ADAMTS2: variants seen among roughly 807,000 people sequenced by gnomAD.
ADAMTS2 encodes ADAM metallopeptidase with thrombospondin type 1 motif 2, also known as A disintegrin and metalloproteinase with thrombospondin motifs 2.
ADAMTS2 carries 50 observed loss-of-function variants against 123.0 expected under a neutral mutation model. That is an observed-to-expected ratio of 0.41 (90% CI 0.32 to 0.51). The LOEUF (loss-of-function observed/expected upper bound fraction) is 0.51. Among genes scored for constraint, ADAMTS2 ranks in the 20% least tolerant of loss-of-function variants. The pLI is 0.35. For synonymous variants in ADAMTS2, 678 were observed against 695.4 expected (o/e 0.98, Z 0.39); for missense variants, 1,494 against 1,705.2 (o/e 0.88, Z 2.18).
chr5:179,129,673 G>T lies in ADAMTS2; in HGVS notation c.2457+259C>A, dbSNP rs1266130266. On this transcript the variant is annotated intron_variant, in intron 16 of 21. Transcript: ENST00000251582. This position sits in a 1 kb window ranked among gnomAD's most constrained non-coding sequence, Gnocchi z 4.1. ...TGATGGCAGCTGTGAATGTCATTCA[G>T]ATGGTGAAACCGAAACCCTCAAAGG... Among the ~76,000 whole-genome samples the T allele has an allele frequency of 6.6e-6, 1 of 152,196 alleles. No homozygotes were observed. The highest frequency in any genetic ancestry group is 2.4e-5 in the African/African-American group (1 of 41,462).
At chr5:179,168,783 G>A (rs554259848) in intron 5 of ADAMTS2, among the ~76,000 whole-genome samples, 1 of 152,314 alleles carries the variant, frequency 6.6e-6, no homozygotes, top group South Asian at 2.1e-4. Flanking sequence ...CCCCCCAGCT[G>A]AGTGCAAAGT....
intron 3 of ADAMTS2, among the ~76,000 whole-genome samples, chr5:179,217,286 G>T (rs906962787): frequency 6.6e-6 from 1 of 152,158 alleles, no homozygotes; most frequent in African/African-American, 2.4e-5. Flanking sequence ...AATTCAGAGC[G>T]ACTTACATAA....
At chr5:179,173,436 A>G (rs1011525366) in intron 5 of ADAMTS2, among the ~76,000 whole-genome samples, 1 of 152,176 alleles carries the variant, frequency 6.6e-6, no homozygotes, top group African/African-American at 2.4e-5. Context: ...CTTTTCAAAC[A>G]ACAAACAGCT....
At chr5:179,138,707 A>C (rs3822597) in intron 11 of ADAMTS2, among the ~76,000 whole-genome samples, 92,477 of 152,102 alleles carry the variant, frequency 0.61, 28,264 homozygotes, top group Middle Eastern at 0.67. Flanking sequence ...TAGGAGAGGG[A>C]TCCATGCACG....
chr5:179,202,556 C>G lies in ADAMTS2; in HGVS notation c.891+4957G>C, dbSNP rs962040352. On this transcript the variant is annotated intron_variant, in intron 4 of 21. Transcript: ENST00000251582. The surrounding 1 kb of genome is among the most constrained non-coding windows in gnomAD (Gnocchi z 4.0). ...CCCAGAATGCAAGGTAGCAGGGTTA[C>G]GTCCTGTCATGCTCACAGCTGCACC... Among the ~76,000 whole-genome samples the G allele has an allele frequency of 2.6e-5, 4 of 152,168 alleles. No individual in the cohort carries two copies. Among genetic ancestry groups the G allele is most frequent in the African/African-American group, 9.7e-5 (4 of 41,446 alleles).
chr5:179,339,796 C>T lies in ADAMTS2; in HGVS notation c.534+3971G>A, dbSNP rs530874689. Among the ~76,000 whole-genome samples the T allele has an allele frequency of 2.0e-4, 31 of 152,378 alleles. No individual in the cohort carries two copies. The East Asian group carries it at 4.6e-3, about 23-fold the overall frequency. On this transcript the variant is annotated intron_variant, in intron 2 of 21. Coordinates refer to ENST00000251582, the MANE Select transcript of ADAMTS2 (RefSeq NM_014244.5). ...ATCTCAGGTGCCCCTCACCCCACTG[C>T]ACAGTCCCAGGACCCGCTCACACCT...
rs2113374415 is a variant in ADAMTS2 at position 179,207,654 on chromosome 5, G to A, written c.750C>T (p.Ala250=). The A allele has an allele frequency of 6.2e-7, 1 of 1,613,698 alleles. No homozygotes were observed. Among genetic ancestry groups the A allele is most frequent in the Non-Finnish European group, 8.5e-7 (1 of 1,180,016 alleles). ...TGCGTGCCCTCCGCCTCGAGCTGTTGGCGTGCTCCTCTAGGACGCCCAGGG... is the reference window on the plus strand; with the variant it reads ...TGCGTGCCCTCCGCCTCGAGCTGTTAGCGTGCTCCTCTAGGACGCCCAGGG... ...SRALGVLEEH[A]NSSRRRARRH... is the part of the protein sequence containing the mutation. The change falls in exon 4 of 22, where the codon GCC becomes GCT. Residue 250 remains alanine (A), a synonymous_variant. Transcript: ENST00000251582.
At chr5:179,154,620 C>T (rs902843082) in intron 7 of ADAMTS2, among the ~76,000 whole-genome samples, 194 bp downstream of exon 7, 1 of 152,248 alleles carries the variant, frequency 6.6e-6, no homozygotes, top group African/African-American at 2.4e-5. Context: ...CAAGCCCTTC[C>T]TCCTTCAATT....
intron 2 of ADAMTS2, among the ~76,000 whole-genome samples, chr5:179,319,426 C>T (rs1757095724): frequency 6.6e-6 from 1 of 152,170 alleles, no homozygotes; most frequent in Non-Finnish European, 1.5e-5. Context: ...CAAGCACATG[C>T]ATTATACATG....
chr5:179,261,330 T>C (rs944397556), intron 3 of ADAMTS2, among the ~76,000 whole-genome samples: 4 of 152,080 alleles, frequency 2.6e-5, no homozygotes, highest in African/African-American at 9.7e-5. Context: ...TATTAAACAC[T>C]AAAGCCCCCG....
At chr5:179,268,309 G>A (rs770531141) in intron 3 of ADAMTS2, among the ~76,000 whole-genome samples, 11 of 152,212 alleles carry the variant, frequency 7.2e-5, no homozygotes, top group Non-Finnish European at 1.5e-4. Context: ...TGGTCTCCAC[G>A]TTTCCATCAA....
intron 2 of ADAMTS2, among the ~76,000 whole-genome samples, chr5:179,309,162 G>A (rs899575203): frequency 1.3e-5 from 2 of 152,228 alleles, no homozygotes; most frequent in East Asian, 3.9e-4. Flanking sequence ...TGTTCCCCGG[G>A]TAGAGGCCAG....
intron 10 of ADAMTS2, among the ~76,000 whole-genome samples, chr5:179,140,799 C>CTTTTTTTTTTTTTTTTTTTTTTTTTTTTT: frequency 1.1e-5 from 1 of 90,464 alleles, no homozygotes; most frequent in Non-Finnish European, 2.1e-5. Flanking sequence ...ACTGCATGCT[C>CTTTTTTTTTTTTTTTTTTTTTTTTTTTTT]TTTTTTTTTT....
chr5:179,341,422 TG>T, intron 2 of ADAMTS2: 1 of 320,976 alleles, frequency 3.1e-6, no homozygotes. Flanking sequence ...GAAAAGAGGC[TG>T]GGCGCAGTGG....
At chr5:179,221,064 G>C (rs922412352) in intron 3 of ADAMTS2, among the ~76,000 whole-genome samples, 1 of 152,176 alleles carries the variant, frequency 6.6e-6, no homozygotes, top group African/African-American at 2.4e-5. Context: ...CCAAGCACAG[G>C]CTCTTCCTAG....
At chr5:179,288,476 C>G (rs1286601448) in intron 2 of ADAMTS2, among the ~76,000 whole-genome samples, 3 of 152,244 alleles carry the variant, frequency 2.0e-5, no homozygotes, top group African/African-American at 7.2e-5. Context: ...TGTGGCCAGG[C>G]TGCTCTGCAG....
At chr5:179,164,722 C>T (rs1419728648) in intron 5 of ADAMTS2, among the ~76,000 whole-genome samples, 8 of 152,148 alleles carry the variant, frequency 5.3e-5, no homozygotes, top group Non-Finnish European at 7.4e-5. Context: ...AGTCCCAAGC[C>T]GTAGCTGGGA....
rs1268368777 is a variant in ADAMTS2 at position 179,111,090 on chromosome 5, A to C, written c.*2777T>G. 1 of 152,226 alleles carries C rather than the reference A, an allele frequency of 6.6e-6. No homozygotes were observed. Among genetic ancestry groups the C allele is most frequent in the Admixed American group, 6.5e-5 (1 of 15,280 alleles). The allele number at this position is 152,226 out of a possible 1,614,324, so 9.4% of individuals were successfully genotyped here. On this transcript the variant is annotated 3_prime_UTR_variant, in exon 22 of 22. Coordinates refer to ENST00000251582, the MANE Select transcript of ADAMTS2 (RefSeq NM_014244.5). ...AGCACCATGTATATACTCAAAACAA[A>C]CAGAAAAACCTTAAAATACAAATGA...
In ADAMTS2 at chr5:179,228,720, C is replaced by T. The variant is rs1765342960; in HGVS notation, c.689-21005G>A. The stretch of plus-strand genomic sequence containing the variant: ...AACACTAACCAAAGCCAGCGGACAT[C>T]CACTGCCTGCGGAGCATCTGGGGAA... On this transcript the variant is annotated intron_variant, in intron 3 of 21. Coordinates refer to ENST00000251582, the MANE Select transcript of ADAMTS2 (RefSeq NM_014244.5). The surrounding 1 kb of genome is among the most constrained non-coding windows in gnomAD (Gnocchi z 5.2). Among the ~76,000 whole-genome samples the T allele has an allele frequency of 6.6e-6, 1 of 152,242 alleles. No homozygotes were observed. Among genetic ancestry groups the T allele is most frequent in the Non-Finnish European group, 1.5e-5 (1 of 68,038 alleles).
Sources: allele counts gnomAD v4.1 joint callset (sites outside exome capture counted in the v4.1 genomes callset), GRCh38; gene constraint gnomAD v4.1.1; non-coding constraint Gnocchi (gnomAD v3.1); transcripts MANE v1.5; gene names NCBI Gene and HGNC (gene_info 2026-07-23, HGNC 2026-07-21).